Variants in PLXNA1 observed in about 807,000 individuals in gnomAD.
PLXNA1 encodes plexin-A1.
Under a neutral mutation model 191.7 loss-of-function variants are expected in PLXNA1, and 77 were observed. That is an observed-to-expected ratio of 0.40 (90% confidence interval 0.33 to 0.49). The LOEUF (loss-of-function observed/expected upper bound fraction) is 0.49, where lower values mean the gene tolerates loss of function less well. Ranked by LOEUF, PLXNA1 falls within the 20% of genes least tolerant of loss-of-function variation. PLXNA1 has a pLI of 0.63. For missense variants in PLXNA1, 2,110 were observed against 2,660.2 expected (o/e 0.79, Z 4.55); for synonymous variants, 1,137 against 1,156.4 (o/e 0.98, Z 0.34).
intron 16 of PLXNA1, 91 bp from the exon 17 acceptor site, chr3:127,016,853 C>A: frequency 7.1e-7 from 1 of 1,402,208 alleles, no homozygotes; most frequent in South Asian, 1.3e-5. Flanking sequence ...TTGGGGAAGG[C>A]AGGCTTTGCC....
chr3:127,017,171 C>T lies in PLXNA1; in HGVS notation c.3276+134C>T, dbSNP rs377532621. The T allele has an allele frequency of 1.2e-4, 118 of 1,003,934 alleles. No homozygotes were observed. The East Asian group carries it at 1.6e-3, about 14-fold the overall frequency. 62.2% of individuals were successfully genotyped at this position (1,003,934 alleles called of 1,614,324 possible). On this transcript the variant is annotated intron_variant, in intron 17 of 31. Coordinates refer to ENST00000393409, the MANE Select transcript of PLXNA1 (RefSeq NM_032242.4). ...CAGCTTATGCCAACCTTGGCTGTGC[C>T]TGGAGACCCCTGGGGAGGCACCTGT...
chr3:127,023,421 G>T (rs1028223090), intron 23 of PLXNA1, among the ~76,000 whole-genome samples: 1 of 152,228 alleles, frequency 6.6e-6, no homozygotes, highest in African/African-American at 2.4e-5. Context: ...GCTTCTCTTG[G>T]AAATCTGAAG....
intron 3 of PLXNA1, among the ~76,000 whole-genome samples, chr3:127,000,629 GC>G (rs2079035837): frequency 6.6e-6 from 1 of 152,222 alleles, no homozygotes; most frequent in South Asian, 2.1e-4. Flanking sequence ...TCTGGCAGGT[GC>G]TGTGTGAGTC....
intron 3 of PLXNA1, among the ~76,000 whole-genome samples, chr3:126,994,934 C>T (rs1455439314): frequency 1.3e-5 from 2 of 152,114 alleles, no homozygotes; most frequent in Non-Finnish European, 2.9e-5. Context: ...GGCCCCGCCT[C>T]CTGCCTTCTT....
intron 25 of PLXNA1, 69 bp from the exon 26 acceptor site, chr3:127,028,924 T>C: frequency 7.9e-7 from 1 of 1,266,340 alleles, no homozygotes; most frequent in South Asian, 1.3e-5. Flanking sequence ...CCCGTCCCAC[T>C]ACACTGCTGT....
rs1465025574 is a variant in PLXNA1 at position 127,017,519 on chromosome 3, A to G, written c.3371A>G (p.Asp1124Gly). 1 of 1,613,428 alleles carries G rather than the reference A, an allele frequency of 6.2e-7. No individual in the cohort carries two copies. The highest frequency in any genetic ancestry group is 8.5e-7 in the Non-Finnish European group (1 of 1,180,006). Residue 1124 changes from aspartate to glycine, a missense_variant, in exon 18 of 32, where the codon GAT becomes GGT. This residue lies in a region of PLXNA1 where 644 missense variants were observed against 714.3 expected (regional missense o/e 0.90). Transcript: ENST00000393409. ...RSPPELGERP[D>G]ELGFVMDNVR... ...CCACCAGAGCTGGGGGAGCGGCCGGATGAGCTGGGCTTCGTCATGGACAAC... is the reference window on the plus strand; with the variant it reads ...CCACCAGAGCTGGGGGAGCGGCCGGGTGAGCTGGGCTTCGTCATGGACAAC...
At chr3:127,032,054 C>T in intron 29 of PLXNA1, 1 of 334,144 alleles carries the variant, frequency 3.0e-6, no homozygotes, top group South Asian at 2.9e-5. Context: ...GCCATGAGTG[C>T]AAGCCAGCAT....
rs1262365156 is a variant in PLXNA1 at position 127,012,173 on chromosome 3, G to A, written c.2313+15G>A. Reference sequence around the variant, plus strand: ...AGAATTCCTCGGTGAGGTGGCCAGGGCAGGGGCTGGGGGCCGTGAGCCGGA... The same window carrying A: ...AGAATTCCTCGGTGAGGTGGCCAGGACAGGGGCTGGGGGCCGTGAGCCGGA... On this transcript the variant is annotated intron_variant, in intron 10 of 31. Transcript: ENST00000393409. The A allele has an allele frequency of 1.2e-6, 2 of 1,607,090 alleles. No individual in the cohort carries two copies. The highest frequency in any genetic ancestry group is 4.5e-5 in the East Asian group (2 of 44,658).
Position 127,006,172 on chromosome 3 carries a change from A to G in PLXNA1, c.1991A>G (p.His664Arg). The G allele has an allele frequency of 6.2e-7, 1 of 1,612,998 alleles. No homozygotes were observed. The highest frequency in any genetic ancestry group is 8.5e-7 in the Non-Finnish European group (1 of 1,179,482). The stretch of plus-strand genomic sequence containing the variant: ...TTCGTCTTCTACAACTGCAGCGTCC[A>G]CCAGTCGTGAGTGTCTCTAGGCCCC... The part of the protein sequence containing the change: ...VDFVFYNCSV[H>R]QSCLSCVNGS... The change falls in exon 8 of 32, where the codon CAC (histidine) becomes CGC (arginine). Residue 664 changes from histidine (H) to arginine (R), a missense_variant. Physicochemically the swap from His to Arg is conservative, Grantham distance 29 (BLOSUM62 0). Coordinates refer to ENST00000393409, the MANE Select transcript of PLXNA1 (RefSeq NM_032242.4).
chr3:127,012,270 G>A (rs1412554610), intron 10 of PLXNA1, 112 bp downstream of exon 10: 26 of 1,101,220 alleles, frequency 2.4e-5, no homozygotes, highest in Non-Finnish European at 2.9e-5. Flanking sequence ...ACGTGCTCAC[G>A]TGTATCTCTG....
intron 25 of PLXNA1, chr3:127,028,657 G>A (rs1291191980): frequency 1.3e-5 from 7 of 520,140 alleles, no homozygotes; most frequent in South Asian, 2.5e-5. Context: ...GGGATGGGAC[G>A]GGTTTGGGGT....
In PLXNA1 at chr3:126,995,360, C is replaced by T. The variant is rs183299972; in HGVS notation, c.1377+3794C>T. ...TGTCAGGAGCTCACAGGAGCAGCCCCTGTTTTGGGTCCTGTAGCATCAGCC... is the reference window on the plus strand; with the variant it reads ...TGTCAGGAGCTCACAGGAGCAGCCCTTGTTTTGGGTCCTGTAGCATCAGCC... On this transcript the variant is annotated intron_variant, in intron 3 of 31. Coordinates refer to ENST00000393409, the MANE Select transcript of PLXNA1 (RefSeq NM_032242.4). 5.6e-3 allele frequency among the ~76,000 whole-genome samples: 857 copies of T among 152,340 alleles called. 9 individuals carry two copies. The highest frequency in any genetic ancestry group is 0.019 in the African/African-American group (808 of 41,598).
chr3:127,012,100 C>T lies in PLXNA1; in HGVS notation c.2255C>T (p.Pro752Leu), dbSNP rs145010644. ...TGCCTCTTCCACATCCCGGGCAGCC[C>T]GGCCCGTGTCACCGCCCTGCGCTTC... ...YECLFHIPGSPARVTALRFNS... is the reference protein window; with the variant it reads ...YECLFHIPGSLARVTALRFNS... Residue 752 changes from proline (P) to leucine (L), a missense_variant, in exon 10 of 32, where the codon CCG becomes CTG. By Grantham distance (98) the Pro-to-Leu change is moderately conservative. Coordinates refer to ENST00000393409, the MANE Select transcript of PLXNA1 (RefSeq NM_032242.4). The T allele has an allele frequency of 1.2e-4, 192 of 1,613,366 alleles. No individual in the cohort carries two copies. Among genetic ancestry groups the T allele is most frequent in the Admixed American group, 2.5e-4 (15 of 60,006 alleles).
intron 15 of PLXNA1, 94 bp downstream of exon 15, chr3:127,015,414 T>C: frequency 6.8e-7 from 1 of 1,471,256 alleles, no homozygotes; most frequent in Non-Finnish European, 9.1e-7. Context: ...AACGGGGCTA[T>C]GGAGAGCCTG....
Position 127,018,356 on chromosome 3 carries a change from G to T in PLXNA1, c.3723G>T (p.Leu1241=). 3 of 1,612,976 alleles carry T rather than the reference G, an allele frequency of 1.9e-6. No homozygotes were observed. The highest frequency in any genetic ancestry group is 1.7e-6 in the Non-Finnish European group (2 of 1,179,972). The change falls in exon 20 of 32, where the codon CTG becomes CTT. Residue 1241 remains leucine, a synonymous_variant. Transcript: ENST00000393409. ...GTLQVYSDSL[L]TLPAIVGIGG... ...TGCAGGTGTACTCGGACAGCCTGCTGACGCTGCCTGCCATTGTGGGCATTG... is the reference window on the plus strand; with the variant it reads ...TGCAGGTGTACTCGGACAGCCTGCTTACGCTGCCTGCCATTGTGGGCATTG...
At chr3:127,029,774 T>C in intron 27 of PLXNA1, 100 bp from the exon 28 acceptor site, 3 of 1,345,208 alleles carry the variant, frequency 2.2e-6, no homozygotes, top group East Asian at 2.5e-5. Flanking sequence ...AAATCCCACA[T>C]GGGTGGGGGT....
chr3:126,991,892 G>C (rs765976347), intron 3 of PLXNA1, among the ~76,000 whole-genome samples: 10 of 152,172 alleles, frequency 6.6e-5, no homozygotes, highest in Non-Finnish European at 1.5e-4. Context: ...TGCTGTGTGT[G>C]GGTGGTGAGG....
At position 127,014,466 on chromosome 3, in the gene PLXNA1, T is replaced by G. The variant is rs1236875373; in HGVS notation, c.2605-12T>G. 8 of 1,599,382 alleles carry G rather than the reference T, an allele frequency of 5.0e-6. No individual in the cohort carries two copies. The highest frequency in any genetic ancestry group is 1.3e-5 in the African/African-American group (1 of 74,848). Reference sequence around the variant, plus strand: ...TGTGGGATGCCTGTACCCCAGCCTCTGCCTCCCTCAGCTGTCCCCCGAGAC... The same window carrying G: ...TGTGGGATGCCTGTACCCCAGCCTCGGCCTCCCTCAGCTGTCCCCCGAGAC... On this transcript the variant is annotated splice_polypyrimidine_tract_variant and intron_variant, in intron 12 of 31. Transcript: ENST00000393409.
chr3:127,018,760 C>T (rs2079138424), intron 20 of PLXNA1, among the ~76,000 whole-genome samples: 1 of 152,220 alleles, frequency 6.6e-6, no homozygotes, highest in Non-Finnish European at 1.5e-5. Context: ...ACACAGAACC[C>T]AAAGCCAGAC....
Sources: gnomAD v4.1 joint callset for allele counts (sites outside exome capture counted in the v4.1 genomes callset) on GRCh38, gnomAD v4.1.1 for gene constraint, gnomAD v4.1.1 regional missense constraint, MANE v1.5 for transcripts, NCBI Gene and HGNC (gene_info 2026-07-23, HGNC 2026-07-21) for gene names.